The following BCORL1 variants were observed in gnomAD, a reference collection of about 807,000 sequenced individuals.
The protein encoded by BCORL1 is BCL-6 corepressor-like protein 1.
In BCORL1, 7 loss-of-function variants were observed where a neutral mutation model predicts 87.6. The ratio of observed to expected loss-of-function variants is 0.08; its 90% CI spans 0.05 to 0.15. The LOEUF (loss-of-function observed/expected upper bound fraction) is 0.15. Among genes scored for constraint, BCORL1 ranks in the 10% least tolerant of loss-of-function variants. The pLI, the probability that BCORL1 is intolerant of heterozygous loss-of-function variation, is 1.00. For missense variants in BCORL1, 1,215 were observed against 1,499.7 expected (o/e 0.81, Z 3.13); for synonymous variants, 591 against 634.4 (o/e 0.93, Z 1.03).
At chrX:130,052,057 C>G in intron 13 of BCORL1, 41 bp downstream of exon 13, 1 of 1,123,001 alleles carries the variant, frequency 8.9e-7, no homozygotes, top group Non-Finnish European at 1.2e-6. Context: ...GTGTCAGGAT[C>G]CTGGCACTCA....
At chrX:130,001,059 CAA>C (rs761902289) in intron 1 of BCORL1, among the ~76,000 whole-genome samples, 22 of 110,835 alleles carry the variant, frequency 2.0e-4, no homozygotes, top group African/African-American at 6.9e-4. Context: ...GTGGAGGAAA[CAA>C]AGACAAAAAA....
intron 8 of BCORL1, among the ~76,000 whole-genome samples, chrX:130,031,539 T>G (rs1317974240): frequency 3.6e-5 from 4 of 112,035 alleles, no homozygotes; most frequent in African/African-American, 1.3e-4. Context: ...ATCCCAGCAC[T>G]TTGGGAGGCT....
At chrX:130,007,993 G>A (rs1300207608) in intron 2 of BCORL1, among the ~76,000 whole-genome samples, 3 of 108,317 alleles carry the variant, frequency 2.8e-5, no homozygotes, top group African/African-American at 3.3e-5. Flanking sequence ...GCACGATCTC[G>A]GCTCACTGCA....
chrX:130,048,336 C>T (rs1325627405), intron 11 of BCORL1, among the ~76,000 whole-genome samples: 6 of 112,101 alleles, frequency 5.4e-5, no homozygotes. Context: ...CCTCACCTCA[C>T]CTGTGCCCTT....
chrX:129,994,726 A>G (rs914448262), intron 1 of BCORL1, among the ~76,000 whole-genome samples: 3 of 111,314 alleles, frequency 2.7e-5, no homozygotes, highest in African/African-American at 9.8e-5. Flanking sequence ...GAATTAATGT[A>G]TCTGGGCAAA....
At position 130,043,760 on chromosome X, in the gene BCORL1, ATATATATATATATATATATATATATTT is replaced by A. The variant is rs1413329775; in HGVS notation, c.4840+4480_4840+4506del. Among the ~76,000 whole-genome samples, 60 of 13,513 alleles carry A rather than the reference ATATATATATATATATATATATATATTT, an allele frequency of 4.4e-3. 2 individuals carry two copies. Among genetic ancestry groups the A allele is most frequent in the Non-Finnish European group, 4.2e-3 (39 of 9,322 alleles). 11.7% of individuals were successfully genotyped at this position (13,513 alleles called of 115,157 possible). A position where few individuals can be genotyped will look rare whatever the true frequency, so the allele number is the denominator to read the frequency against. On this transcript the variant is annotated intron_variant, in intron 11 of 13. Coordinates refer to ENST00000540052, the MANE Select transcript of BCORL1 (RefSeq NM_001379451.1). ...CAGCTAATTTGTTATATATATATAT[ATATATATATATATATATATATATATTT>A]TTTTTTTTTTTTTTTTTTGAGACGG...
rs752395262 is a variant in BCORL1, at chrX:129,998,471, G to A, written c.-44-6717G>A. On this transcript the variant is annotated intron_variant, in intron 1 of 13. Transcript: ENST00000540052. ...AGCGCTTACGAAGTGTGGCATGCCT[G>A]CAAGGCTTTTCCTTTTTGCTCACCT... is the stretch of plus-strand genomic sequence containing the variant. 5.4e-5 allele frequency among the ~76,000 whole-genome samples: 6 copies of A among 111,777 alleles called. No individual in the cohort carries two copies. In the South Asian group the frequency reaches 1.8e-3, roughly 34 times the overall value.
At chrX:130,031,849 G>T (rs1420620270) in intron 8 of BCORL1, among the ~76,000 whole-genome samples, 2 of 111,691 alleles carry the variant, frequency 1.8e-5, no homozygotes, top group African/African-American at 3.3e-5. Flanking sequence ...GTGCTGTAAG[G>T]AACAGAAAAA....
In BCORL1 at chrX:130,037,406, G is replaced by A; in HGVS notation, c.4567G>A (p.Val1523Met). 1 of 1,211,567 alleles carries A rather than the reference G, an allele frequency of 8.3e-7. No homozygotes were observed. Among genetic ancestry groups the A allele is most frequent in the Non-Finnish European group, 1.1e-6 (1 of 895,299 alleles). ...CTGCCTCCAGAAAGACAGTGAAGATGTGAATCACCGTGACAATGCTGGCTA... is the reference window on the plus strand; with the variant it reads ...CTGCCTCCAGAAAGACAGTGAAGATATGAATCACCGTGACAATGCTGGCTA... ...LYCLQKDSEDVNHRDNAGYTA... is the reference protein window; with the variant it reads ...LYCLQKDSEDMNHRDNAGYTA... The change falls in exon 10 of 14, where the codon GTG becomes ATG. Residue 1523 changes from valine (V) to methionine (M), a missense_variant. Transcript: ENST00000540052.
At chrX:129,982,187 C>A (rs1398601727), upstream of BCORL1, among the ~76,000 whole-genome samples, 1 of 107,113 alleles carries the variant, frequency 9.3e-6, no homozygotes, top group Non-Finnish European at 1.9e-5. Context: ...CCTCCCCCTT[C>A]GAGGGGCGTC....
At position 130,021,047 on chromosome X, in the gene BCORL1, T is replaced by C. The variant is rs1315663567; in HGVS notation, c.3504T>C (p.Asp1168=). Residue 1168 remains aspartate, a synonymous_variant, in exon 5 of 14, where the codon GAT becomes GAC. Transcript: ENST00000540052. ...STKKSPRGAS[D]SGKEHNGVRG... ...AGAAAAGCCCCAGGGGGGCTTCAGA[T>C]TCAGGAAAAGAGCACAATGGAGTCA... The C allele has an allele frequency of 6.8e-6, 8 of 1,184,937 alleles. No homozygotes were observed. Among genetic ancestry groups the C allele is most frequent in the Non-Finnish European group, 9.0e-6 (8 of 885,714 alleles).
chrX:129,988,238 G>T (rs1010485892), intron 1 of BCORL1, among the ~76,000 whole-genome samples: 12 of 111,441 alleles, frequency 1.1e-4, no homozygotes, highest in African/African-American at 3.9e-4. Context: ...ATGTAGAAAT[G>T]GTTCTTTTTC....
chrX:130,051,594 A>G (rs1435572141), intron 12 of BCORL1, among the ~76,000 whole-genome samples: 3 of 112,379 alleles, frequency 2.7e-5, no homozygotes, highest in Non-Finnish European at 5.6e-5. Flanking sequence ...CCTTGACGTC[A>G]CCTTGCTTTT....
chrX:130,039,392 G>A, intron 11 of BCORL1, 110 bp downstream of exon 11: 1 of 967,207 alleles, frequency 1.0e-6, no homozygotes. Context: ...TCCCATGAGG[G>A]CCATCTGCCC....
intron 11 of BCORL1, among the ~76,000 whole-genome samples, chrX:130,040,459 C>G (rs2124542456): frequency 8.9e-6 from 1 of 112,311 alleles, no homozygotes; most frequent in African/African-American, 3.2e-5. Context: ...GATCTTGACT[C>G]CTGCTCAGCC....
intron 9 of BCORL1, among the ~76,000 whole-genome samples, chrX:130,035,044 G>A (rs373552335): frequency 2.7e-5 from 3 of 110,970 alleles, no homozygotes; most frequent in Middle Eastern, 4.2e-3. Context: ...CCTCATTTTC[G>A]CCTCTCGCAG....
chrX:130,020,301 C>T (rs1235772255), intron 4 of BCORL1, among the ~76,000 whole-genome samples: 1 of 111,783 alleles, frequency 8.9e-6, no homozygotes, highest in Admixed American at 9.5e-5. Context: ...ATTAGCTTCT[C>T]CTCCCAGGGT....
intron 7 of BCORL1, among the ~76,000 whole-genome samples, chrX:130,026,807 A>G (rs1930274100): frequency 8.8e-6 from 1 of 113,259 alleles, no homozygotes; most frequent in Non-Finnish European, 1.9e-5. Context: ...AAAGTAGGTC[A>G]TTCTTCCTCT....
Position 130,014,045 on chromosome X carries a change from G to T in BCORL1, c.1273G>T (p.Ala425Ser). 1 of 1,209,299 alleles carries T rather than the reference G, an allele frequency of 8.3e-7. No homozygotes were observed. The highest frequency in any genetic ancestry group is 1.8e-5 in the South Asian group (1 of 56,774). ...TTTGAGTAGAGTGTGCTTTCCTGCAGCTCAGGCACCAGCTATGCAAAAAGT... is the reference window on the plus strand; with the variant it reads ...TTTGAGTAGAGTGTGCTTTCCTGCATCTCAGGCACCAGCTATGCAAAAAGT... ...FSLSRVCFPA[A>S]QAPAMQKVPL... Residue 425 changes from alanine to serine, a missense_variant, in exon 4 of 14, where the codon GCT becomes TCT. Physicochemically the swap from Ala to Ser is moderately conservative, Grantham distance 99 (BLOSUM62 1). Around this residue, in one of 5 missense-constraint regions of BCORL1, gnomAD observed 861 missense variants for 1,010.0 expected, o/e 0.85. Transcript: ENST00000540052.
Sources: gnomAD v4.1 joint callset for allele counts (sites outside exome capture counted in the v4.1 genomes callset) on GRCh38, gnomAD v4.1.1 for gene constraint, gnomAD v4.1.1 regional missense constraint, MANE v1.5 for transcripts, NCBI Gene and HGNC (gene_info 2026-07-23, HGNC 2026-07-21) for gene names.